Variants in RB1CC1 observed in about 807,000 individuals in gnomAD.
The protein encoded by RB1CC1 is RB1-inducible coiled-coil protein 1.
RB1CC1 carries 46 observed loss-of-function variants against 177.5 expected under a neutral mutation model. The ratio of observed to expected loss-of-function variants is 0.26; its 90% CI spans 0.20 to 0.33. RB1CC1 has a LOEUF of 0.33. Ranked by LOEUF, RB1CC1 falls within the 10% of genes least tolerant of loss-of-function variation. The pLI is 1.00. For missense variants in RB1CC1, 1,703 were observed against 1,816.3 expected (o/e 0.94, Z 1.13); for synonymous variants, 666 against 613.6 (o/e 1.09, Z -1.26).
chr8:52,632,893 C>T (rs977725224), intron 20 of RB1CC1, among the ~76,000 whole-genome samples: 7 of 152,244 alleles, frequency 4.6e-5, no homozygotes, highest in East Asian at 1.9e-4. Flanking sequence ...GAGACAAATG[C>T]GTATATGATT....
Position 52,714,193 on chromosome 8 carries a change from C to G in RB1CC1, c.-285G>C. ...CAACCGCCCATTCGGCACCGCTAAG[C>G]CGACACAACCGCCGGCGTCCCGGGC... On this transcript the variant is annotated 5_prime_UTR_variant, in exon 1 of 24. Transcript: ENST00000025008. The G allele has an allele frequency of 4.4e-6, 1 of 228,080 alleles. No homozygotes were observed. The highest frequency in any genetic ancestry group is 9.2e-6 in the Non-Finnish European group (1 of 108,886). The allele number at this position is 228,080 out of a possible 1,614,324, so 14.1% of individuals were successfully genotyped here.
chr8:52,703,078 A>G (rs935143037), intron 1 of RB1CC1, among the ~76,000 whole-genome samples: 6 of 152,140 alleles, frequency 3.9e-5, no homozygotes, highest in Non-Finnish European at 7.4e-5. Flanking sequence ...AATTTTCAGC[A>G]GTTTCTTTAT....
intron 1 of RB1CC1, 54 bp downstream of exon 1, chr8:52,714,021 G>T: frequency 3.0e-6 from 1 of 328,450 alleles, no homozygotes; most frequent in Non-Finnish European, 6.1e-6. Flanking sequence ...AGGGCCCGCC[G>T]CGCGACCGCT....
chr8:52,693,711 G>T (rs1855109886), intron 1 of RB1CC1, among the ~76,000 whole-genome samples: 2 of 152,074 alleles, frequency 1.3e-5, no homozygotes, highest in African/African-American at 4.8e-5. Context: ...CAGCAATCCT[G>T]TTACTGATGA....
chr8:52,642,912 A>G, intron 16 of RB1CC1, 100 bp from the exon 17 acceptor site: 1 of 1,246,958 alleles, frequency 8.0e-7, no homozygotes, highest in Non-Finnish European at 1.0e-6. Flanking sequence ...GCACATTTGT[A>G]CATGGAGATG....
Position 52,656,917 on chromosome 8 carries a change from T to C in RB1CC1, c.2912A>G (p.Glu971Gly). Residue 971 changes from glutamate (E) to glycine (G), a missense_variant, in exon 15 of 24, where the codon GAG (glutamate) becomes GGG (glycine). By Grantham distance (98) the Glu-to-Gly change is moderately conservative. This residue lies in a region of RB1CC1 where 1,169 missense variants were observed against 1,184.7 expected (regional missense o/e 0.99). Coordinates refer to ENST00000025008, the MANE Select transcript of RB1CC1 (RefSeq NM_014781.5). ...DLKKLHVEND[E>G]KLQLLRAELQ... Reference sequence around the variant, plus strand: ...TTCTGCCCTCAATAACTGTAACTTCTCATCATTTTCAACATGGAGCTTTTT... The same window carrying C: ...TTCTGCCCTCAATAACTGTAACTTCCCATCATTTTCAACATGGAGCTTTTT... 1 of 1,613,302 alleles carries C rather than the reference T, an allele frequency of 6.2e-7. No individual in the cohort carries two copies. The highest frequency in any genetic ancestry group is 1.3e-5 in the African/African-American group (1 of 75,034).
In RB1CC1 at chr8:52,622,985, A is replaced by C. The variant is rs1378718448; in HGVS notation, c.*797T>G. On this transcript the variant is annotated 3_prime_UTR_variant, in exon 24 of 24. Transcript: ENST00000025008. ...ACCTCTAAATGGTTAATGTGCAATG[A>C]ATATCTTTTGTTCTGAAACTCAACC... 1 of 152,150 alleles carries C rather than the reference A, an allele frequency of 6.6e-6. No homozygotes were observed. Among genetic ancestry groups the C allele is most frequent in the Non-Finnish European group, 1.5e-5 (1 of 67,674 alleles). 9.4% of individuals were successfully genotyped at this position (152,150 alleles called of 1,614,324 possible). A position where few individuals can be genotyped will look rare whatever the true frequency, so the allele number is the denominator to read the frequency against.
intron 9 of RB1CC1, 37 bp downstream of exon 9, chr8:52,661,498 C>T (rs1851625542): frequency 6.5e-7 from 1 of 1,529,432 alleles, no homozygotes. Context: ...AATACCAATT[C>T]TAAACATCTT....
At chr8:52,661,752 A>G (rs1851648658) in intron 8 of RB1CC1, 33 bp from the exon 9 acceptor site, 1 of 1,473,410 alleles carries the variant, frequency 6.8e-7, no homozygotes, top group Admixed American at 2.3e-5. Flanking sequence ...AAGGACATTA[A>G]TTTTGTTTCA....
chr8:52,714,264 G>C lies in RB1CC1; in HGVS notation c.-356C>G, dbSNP rs113231256. The C allele has an allele frequency of 0.018, 3,567 of 201,836 alleles. 160 individuals carry two copies. The highest frequency in any genetic ancestry group is 0.08 in the African/African-American group (3,350 of 41,804). 12.5% of individuals were successfully genotyped at this position (201,836 alleles called of 1,614,324 possible). A position where few individuals can be genotyped will look rare whatever the true frequency, so the allele number is the denominator to read the frequency against. On this transcript the variant is annotated 5_prime_UTR_variant, in exon 1 of 24. Coordinates refer to ENST00000025008, the MANE Select transcript of RB1CC1 (RefSeq NM_014781.5). ...AACTCTAGGAGGCAGGGAGGGGTCCGGGCGGACAAGGACGCGAGCAGGCCC... is the reference window on the plus strand; with the variant it reads ...AACTCTAGGAGGCAGGGAGGGGTCCCGGCGGACAAGGACGCGAGCAGGCCC...
At chr8:52,699,203 G>T (rs775808164) in intron 1 of RB1CC1, among the ~76,000 whole-genome samples, 19 of 152,186 alleles carry the variant, frequency 1.2e-4, no homozygotes, top group Admixed American at 3.3e-4. Context: ...TGCAGAGGAA[G>T]AACTTAACAG....
intron 18 of RB1CC1, among the ~76,000 whole-genome samples, chr8:52,642,141 G>GC (rs1218569099): frequency 1.3e-5 from 2 of 152,040 alleles, no homozygotes; most frequent in East Asian, 3.9e-4. Context: ...TAATTCTGGT[G>GC]CACATACTTT....
intron 1 of RB1CC1, among the ~76,000 whole-genome samples, chr8:52,709,502 G>C (rs897969364): frequency 1.3e-5 from 2 of 152,180 alleles, no homozygotes; most frequent in African/African-American, 4.8e-5. Context: ...ACTTTGGGAG[G>C]CCGAGGTGGG....
At chr8:52,710,670 GTTTTA>G (rs1216703214) in intron 1 of RB1CC1, among the ~76,000 whole-genome samples, 6 of 151,990 alleles carry the variant, frequency 3.9e-5, no homozygotes, top group African/African-American at 1.4e-4. Flanking sequence ...TTCTAGTTGT[GTTTTA>G]TTTTATAACG....
chr8:52,657,660 T>C lies in RB1CC1; in HGVS notation c.2169A>G (p.Ser723=), dbSNP rs745389934. The C allele has an allele frequency of 3.5e-5, 57 of 1,614,040 alleles. No individual in the cohort carries two copies. The highest frequency in any genetic ancestry group is 4.3e-5 in the Non-Finnish European group (51 of 1,180,022). ...TIHQVSLDLD[S]LAESPESDFM... The stretch of plus-strand genomic sequence containing the variant: ...AATCTGATTCAGGACTTTCTGCTAA[T>C]GAATCCAAGTCTAAAGAAACTTGGT... Residue 723 remains serine, a synonymous_variant, in exon 15 of 24, where the codon TCA becomes TCG. Transcript: ENST00000025008.
At chr8:52,653,542 A>C (rs989400571) in intron 15 of RB1CC1, among the ~76,000 whole-genome samples, 1 of 152,124 alleles carries the variant, frequency 6.6e-6, no homozygotes, top group Non-Finnish European at 1.5e-5. Flanking sequence ...TACCAAGAGA[A>C]TTCTAACCTT....
At chr8:52,710,561 CAG>C (rs1207096670) in intron 1 of RB1CC1, among the ~76,000 whole-genome samples, 16 of 152,162 alleles carry the variant, frequency 1.1e-4, no homozygotes, top group African/African-American at 3.4e-4. Context: ...CATAAAATAA[CAG>C]AAATCTTTCT....
intron 1 of RB1CC1, among the ~76,000 whole-genome samples, chr8:52,689,201 T>G (rs1386298522): frequency 6.6e-6 from 1 of 152,214 alleles, no homozygotes; most frequent in East Asian, 1.9e-4. Context: ...TCTCCTTGCT[T>G]TAATTTTTCA....
At chr8:52,711,430 A>G (rs566078753) in intron 1 of RB1CC1, among the ~76,000 whole-genome samples, 181 of 152,338 alleles carry the variant, frequency 1.2e-3, no homozygotes, top group Admixed American at 4.2e-3. Context: ...CTAGCACTAT[A>G]CAATCGGCTT....
Sources: gnomAD v4.1 joint callset for allele counts (sites outside exome capture counted in the v4.1 genomes callset) on GRCh38, gnomAD v4.1.1 for gene constraint, gnomAD v4.1.1 regional missense constraint, MANE v1.5 for transcripts, NCBI Gene and HGNC (gene_info 2026-07-23, HGNC 2026-07-21) for gene names.